Variants in UBQLN1 observed in about 807,000 individuals in gnomAD.
The protein encoded by UBQLN1 is ubiquilin-1.
In UBQLN1, 13 loss-of-function variants were observed where a neutral mutation model predicts 65.4. The ratio of observed to expected loss-of-function variants is 0.20; its 90% CI spans 0.13 to 0.32. The LOEUF is 0.32. Among genes scored for constraint, UBQLN1 ranks in the 10% least tolerant of loss-of-function variants. The probability of loss-of-function intolerance (pLI) is 1.00; values close to 1 mark genes in which losing one functional copy is unlikely to be tolerated. For synonymous variants in UBQLN1, 267 were observed against 247.8 expected (o/e 1.08, Z -0.73); for missense variants, 561 against 724.0 (o/e 0.77, Z 2.58).
At chr9:83,684,505 T>C (rs534755174) in intron 2 of UBQLN1, among the ~76,000 whole-genome samples, 16 of 152,068 alleles carry the variant, frequency 1.1e-4, no homozygotes, top group African/African-American at 3.6e-4. Flanking sequence ...TGATTATTAC[T>C]TAGTATTATC....
intron 6 of UBQLN1, among the ~76,000 whole-genome samples, chr9:83,670,312 T>C: frequency 6.6e-6 from 1 of 152,190 alleles, no homozygotes; most frequent in Middle Eastern, 3.2e-3. Context: ...CTTATCTTTC[T>C]AGTTTATTAT....
At chr9:83,675,495 A>G (rs1368030029) in intron 6 of UBQLN1, among the ~76,000 whole-genome samples, 10 of 152,192 alleles carry the variant, frequency 6.6e-5, no homozygotes, top group South Asian at 4.1e-4. Flanking sequence ...CACAAGAAGC[A>G]AGACCTCCAT....
intron 6 of UBQLN1, among the ~76,000 whole-genome samples, chr9:83,671,453 G>C (rs1025883147): frequency 6.6e-6 from 1 of 151,988 alleles, no homozygotes; most frequent in Non-Finnish European, 1.5e-5. Context: ...TTGATCCATG[G>C]GCTGCATGCA....
At position 83,677,796 on chromosome 9, in the gene UBQLN1, T is replaced by A; in HGVS notation, c.1036A>T (p.Thr346Ser). 1 of 1,614,088 alleles carries A rather than the reference T, an allele frequency of 6.2e-7. No individual in the cohort carries two copies. The highest frequency in any genetic ancestry group is 8.5e-7 in the Non-Finnish European group (1 of 1,179,984). Reference protein sequence around the residue: ...SGTASTVGGTTGSTASGTSGQ... With the variant: ...SGTASTVGGTSGSTASGTSGQ... ...GAAGTGCCACTGGCAGTACTACCAG[T>A]AGTGCCACCCACAGTGCTGGCAGTG... The change falls in exon 6 of 11, where the codon ACT becomes TCT. Residue 346 changes from threonine to serine, a missense_variant. Coordinates refer to ENST00000376395, the MANE Select transcript of UBQLN1 (RefSeq NM_013438.5).
intron 1 of UBQLN1, among the ~76,000 whole-genome samples, chr9:83,695,190 G>A (rs950880697): frequency 4.3e-5 from 6 of 140,002 alleles, no homozygotes; most frequent in Admixed American, 1.6e-4. Context: ...ATCCTGAATG[G>A]GCCCTCCCAC....
intron 7 of UBQLN1, 100 bp from the exon 8 acceptor site, chr9:83,666,533 TA>T (rs1336625058): frequency 3.8e-5 from 41 of 1,075,894 alleles, no homozygotes; most frequent in Non-Finnish European, 2.9e-5. Flanking sequence ...AGCTGGCACT[TA>T]AAAGGGAGGA....
In UBQLN1 at chr9:83,666,530, A is replaced by C; in HGVS notation, c.1249-97T>G. On this transcript the variant is annotated intron_variant, in intron 7 of 10. Coordinates refer to ENST00000376395, the MANE Select transcript of UBQLN1 (RefSeq NM_013438.5). ...TCTTCCCCCAAGTGCCTCAGCTGGC[A>C]CTTAAAAGGGAGGAAGGTAGAACAT... 11 of 1,137,206 alleles carry C rather than the reference A, an allele frequency of 9.7e-6. No individual in the cohort carries two copies. The South Asian group carries it at 1.5e-4, about 15-fold the overall frequency. The allele number at this position is 1,137,206 out of a possible 1,614,324, so 70.4% of individuals were successfully genotyped here. A position where few individuals can be genotyped will look rare whatever the true frequency, so the allele number is the denominator to read the frequency against.
At chr9:83,668,552 C>T in intron 7 of UBQLN1, 4 of 985,416 alleles carry the variant, frequency 4.1e-6, no homozygotes, top group Non-Finnish European at 4.8e-6. Flanking sequence ...CCCCAACCAT[C>T]GGTACTGTCT....
chr9:83,703,892 A>G (rs1832353134), intron 1 of UBQLN1, among the ~76,000 whole-genome samples: 1 of 152,218 alleles, frequency 6.6e-6, no homozygotes, highest in South Asian at 2.1e-4. Flanking sequence ...ATAGGAAAAT[A>G]AATTACCACC....
intron 1 of UBQLN1, among the ~76,000 whole-genome samples, chr9:83,695,611 T>C (rs1442488800): frequency 9.7e-6 from 1 of 103,072 alleles, no homozygotes; most frequent in Non-Finnish European, 2.0e-5. Flanking sequence ...GGAGAGAGCT[T>C]TAAAGAGTTA....
In UBQLN1 at chr9:83,682,141, C is replaced by T. The variant is rs757807830; in HGVS notation, c.448+810G>A. ...CTACTAAAAATACAAAAAAATTAGC[C>T]GGGCGTAGTGGCACACTCCTATAAT... On this transcript the variant is annotated intron_variant, in intron 3 of 10. Transcript: ENST00000376395. Among the ~76,000 whole-genome samples the T allele has an allele frequency of 2.6e-5, 4 of 151,832 alleles. No homozygotes were observed. In the East Asian group the frequency reaches 5.8e-4, roughly 22 times the overall value.
chr9:83,705,205 A>G (rs1262620504), intron 1 of UBQLN1, among the ~76,000 whole-genome samples: 1 of 151,314 alleles, frequency 6.6e-6, no homozygotes, highest in East Asian at 1.9e-4. Context: ...GTAAAATGAT[A>G]CAAGCATTTT....
chr9:83,688,983 G>A (rs570815205), intron 1 of UBQLN1, among the ~76,000 whole-genome samples: 74 of 152,094 alleles, frequency 4.9e-4, no homozygotes, highest in African/African-American at 1.8e-3. Context: ...TAAAGTATAC[G>A]ATTCAATGGT....
In UBQLN1 at chr9:83,663,858, T is replaced by C. The variant is rs9314722; in HGVS notation, c.1617+17A>G. On this transcript the variant is annotated intron_variant, in intron 10 of 10. Coordinates refer to ENST00000376395, the MANE Select transcript of UBQLN1 (RefSeq NM_013438.5). ...AACATTAAGGAATACAAAACTTGAA[T>C]GGAAAAGAACTGATACCTGAGGATT... 0.19 allele frequency: 304,231 copies of C among 1,588,758 alleles called. 31,447 individuals are homozygous for C. The highest frequency in any genetic ancestry group is 0.29 in the African/African-American group (21,255 of 73,142).
chr9:83,702,160 A>G (rs1832320227), intron 1 of UBQLN1, among the ~76,000 whole-genome samples: 3 of 152,198 alleles, frequency 2.0e-5, no homozygotes. Context: ...GCCCAGGGAG[A>G]AACGAAGGGC....
intron 1 of UBQLN1, among the ~76,000 whole-genome samples, chr9:83,690,368 T>C (rs904801264): frequency 2.6e-5 from 4 of 152,126 alleles, no homozygotes; most frequent in Admixed American, 2.6e-4. Context: ...GTTTTTTCGT[T>C]TTTTTAAGGG....
rs867276522 is a variant in UBQLN1 at position 83,683,958 on chromosome 9, T to C, written c.333-892A>G. ...ACTACTTGAACCCAGGAGGCGGAGGTTGTAGTGAGCCAAGATTGCGCCACT... is the reference window on the plus strand; with the variant it reads ...ACTACTTGAACCCAGGAGGCGGAGGCTGTAGTGAGCCAAGATTGCGCCACT... On this transcript the variant is annotated intron_variant, in intron 2 of 10. Coordinates refer to ENST00000376395, the MANE Select transcript of UBQLN1 (RefSeq NM_013438.5). Among the ~76,000 whole-genome samples, 17 of 151,296 alleles carry C rather than the reference T, an allele frequency of 1.1e-4. 1 individual carries two copies. Among genetic ancestry groups the C allele is most frequent in the Middle Eastern group, 6.8e-3 (2 of 294 alleles).
Position 83,677,917 on chromosome 9 carries a change from A to G in UBQLN1, c.915T>C (p.Ser305=), listed in dbSNP as rs769526991. The part of the protein sequence containing the change: ...PFASLVSNTS[S]GEGSQPSRTE... ...TACGGGAAGGTTGACTACCTTCACC[A>G]GAGGATGTATTGCTCACCAAGGAAG... The change falls in exon 6 of 11, where the codon TCT becomes TCC. Residue 305 remains serine (S), a synonymous_variant. Transcript: ENST00000376395. 3.3e-5 allele frequency: 53 copies of G among 1,614,080 alleles called. No homozygotes were observed. Among genetic ancestry groups the G allele is most frequent in the Non-Finnish European group, 4.3e-5 (51 of 1,180,022 alleles).
chr9:83,681,597 C>T (rs1831941347), intron 3 of UBQLN1, among the ~76,000 whole-genome samples: 1 of 152,172 alleles, frequency 6.6e-6, no homozygotes, highest in South Asian at 2.1e-4. Context: ...GAATACTAGG[C>T]ACAATGAACA....
Sources: allele counts gnomAD v4.1 joint callset (sites outside exome capture counted in the v4.1 genomes callset), GRCh38; gene constraint gnomAD v4.1.1; transcripts MANE v1.5; gene names NCBI Gene and HGNC (gene_info 2026-07-23, HGNC 2026-07-21).